Variants in UNC5D observed in about 807,000 individuals in gnomAD.
UNC5D encodes unc-5 netrin receptor D.
UNC5D carries 39 observed loss-of-function variants against 105.4 expected under a neutral mutation model. The ratio of observed to expected loss-of-function variants is 0.37; its 90% CI spans 0.29 to 0.48. UNC5D has a LOEUF of 0.48. Among genes scored for constraint, UNC5D ranks in the 20% least tolerant of loss-of-function variants. UNC5D has a pLI of 0.98. For missense variants in UNC5D, 991 were observed against 1,202.4 expected (o/e 0.82, Z 2.60); for synonymous variants, 452 against 450.4 (o/e 1.00, Z -0.04).
intron 8 of UNC5D, chr8:35,721,457 T>C: frequency 1.4e-6 from 1 of 702,932 alleles, no homozygotes; most frequent in Non-Finnish European, 2.6e-6. Flanking sequence ...TTCAATAGGA[T>C]GGAGTAGGAG....
At chr8:35,384,883 G>T (rs1339034315) in intron 1 of UNC5D, among the ~76,000 whole-genome samples, 1 of 152,218 alleles carries the variant, frequency 6.6e-6, no homozygotes, top group Admixed American at 6.5e-5. Context: ...CACCCCAGAA[G>T]TTGTGGGACT....
chr8:35,401,473 G>A (rs1231159206), intron 1 of UNC5D, among the ~76,000 whole-genome samples: 1 of 152,164 alleles, frequency 6.6e-6, no homozygotes, highest in African/African-American at 2.4e-5. Flanking sequence ...AACAGAGCAG[G>A]ACTCCATCTC....
In UNC5D at chr8:35,666,570, G is replaced by A. The variant is rs775211828; in HGVS notation, c.571-16977G>A. 2.6e-5 allele frequency among the ~76,000 whole-genome samples: 4 copies of A among 152,126 alleles called. No individual in the cohort carries two copies. In the East Asian group the frequency reaches 5.8e-4, roughly 22 times the overall value. On this transcript the variant is annotated intron_variant, in intron 4 of 16. Transcript: ENST00000404895. ...TAGTTCATAACAACCAGAATGCAAA[G>A]GGGAGGAGGATAAACTGGATAGAAA...
intron 1 of UNC5D, among the ~76,000 whole-genome samples, chr8:35,436,699 A>G (rs915459903): frequency 1.3e-5 from 2 of 152,052 alleles, no homozygotes; most frequent in African/African-American, 4.8e-5. Context: ...GAATGTGGAG[A>G]CTGGAAGACA....
intron 1 of UNC5D, among the ~76,000 whole-genome samples, chr8:35,362,197 A>G (rs942215429): frequency 1.3e-5 from 2 of 152,198 alleles, no homozygotes; most frequent in Admixed American, 1.3e-4. Flanking sequence ...CACAAGTTGC[A>G]TTTCGCAATT....
rs1809818364 is a variant in UNC5D, at chr8:35,472,692, T to C, written c.104-76600T>C. 4.6e-5 allele frequency among the ~76,000 whole-genome samples: 7 copies of C among 152,312 alleles called. No homozygotes were observed. In the South Asian group the frequency reaches 1.0e-3, roughly 23 times the overall value. ...GAAAATACTCTTTGTTCAGAAACCC[T>C]GAACGGAGAATCCTGTTGAAGCTCA... On this transcript the variant is annotated intron_variant, in intron 1 of 16. Coordinates refer to ENST00000404895, the MANE Select transcript of UNC5D (RefSeq NM_080872.4).
chr8:35,353,228 A>C (rs1049092127), intron 1 of UNC5D, among the ~76,000 whole-genome samples: 1 of 152,206 alleles, frequency 6.6e-6, no homozygotes, highest in African/African-American at 2.4e-5. Flanking sequence ...CCAGCAACTC[A>C]ATACAGAAAT....
chr8:35,749,578 T>A (rs984989886), intron 12 of UNC5D, among the ~76,000 whole-genome samples: 1 of 152,200 alleles, frequency 6.6e-6, no homozygotes, highest in Non-Finnish European at 1.5e-5. Context: ...CCAACTAGTG[T>A]CTTGAAACTA....
At chr8:35,660,601 A>G (rs1436159143) in intron 4 of UNC5D, among the ~76,000 whole-genome samples, 1 of 152,200 alleles carries the variant, frequency 6.6e-6, no homozygotes, top group Non-Finnish European at 1.5e-5. Context: ...GAGTTAGCTT[A>G]TGTTGTAAAA....
rs371932594 is a variant in UNC5D at position 35,533,970 on chromosome 8, C to T, written c.104-15322C>T. Among the ~76,000 whole-genome samples the T allele has an allele frequency of 4.9e-4, 75 of 152,260 alleles. 1 individual carries two copies. In the East Asian group the frequency reaches 5.0e-3, roughly 10 times the overall value. ...CTGGCACTCCCTAGTGAGATAAACC[C>T]GGTACCTCAGATGGAAATGTAGAAA... On this transcript the variant is annotated intron_variant, in intron 1 of 16. Transcript: ENST00000404895.
chr8:35,341,586 G>A (rs1485865159), intron 1 of UNC5D, among the ~76,000 whole-genome samples: 1 of 151,644 alleles, frequency 6.6e-6, no homozygotes, highest in African/African-American at 2.4e-5. Context: ...TTAGTCTGTC[G>A]TCTTGATATA....
At chr8:35,345,692 C>T (rs1032212475) in intron 1 of UNC5D, among the ~76,000 whole-genome samples, 10 of 151,810 alleles carry the variant, frequency 6.6e-5, no homozygotes, top group African/African-American at 2.4e-4. Context: ...GTTCTGTGTG[C>T]TCACAAAAAT....
At chr8:35,582,969 C>G (rs562768633) in intron 3 of UNC5D, among the ~76,000 whole-genome samples, 1 of 152,270 alleles carries the variant, frequency 6.6e-6, no homozygotes, top group South Asian at 2.1e-4. Context: ...CAGTGCTCAG[C>G]TGGATGCTGA....
chr8:35,435,283 A>G (rs1396139692), intron 1 of UNC5D, among the ~76,000 whole-genome samples: 1 of 152,142 alleles, frequency 6.6e-6, no homozygotes, highest in Non-Finnish European at 1.5e-5. Flanking sequence ...TAATGTAGAC[A>G]TTAAAGATTG....
chr8:35,360,888 A>G (rs1801817164), intron 1 of UNC5D, among the ~76,000 whole-genome samples: 1 of 152,112 alleles, frequency 6.6e-6, no homozygotes, highest in Admixed American at 6.6e-5. Flanking sequence ...TGGTTTCCCC[A>G]GATGGGAGAA....
intron 1 of UNC5D, among the ~76,000 whole-genome samples, chr8:35,531,025 T>G (rs1586062116): frequency 1.3e-5 from 2 of 151,138 alleles, no homozygotes; most frequent in African/African-American, 4.9e-5. Context: ...TTTTTGAAGG[T>G]TTTTTGTGTC....
chr8:35,467,523 A>G (rs1809388920), intron 1 of UNC5D, among the ~76,000 whole-genome samples: 1 of 151,662 alleles, frequency 6.6e-6, no homozygotes, highest in Non-Finnish European at 1.5e-5. Flanking sequence ...AAACTAATCC[A>G]GAACCTTTAT....
In UNC5D at chr8:35,235,877, G is replaced by C; in HGVS notation, c.93G>C (p.Ala31=). Residue 31 remains alanine (A), a synonymous_variant, in exon 1 of 17, where the codon GCG becomes GCC. Transcript: ENST00000404895. ...LGLCFWAAGT[A]AARGTDNGEA... is the part of the protein sequence containing the mutation. ...TGTGCTTCTGGGCGGCAGGGACCGC[G>C]GCTGCCCGAGGTAAGCGCTGGGCGG... 8.1e-7 allele frequency: 1 copy of C among 1,228,406 alleles called. No individual in the cohort carries two copies. The highest frequency in any genetic ancestry group is 1.0e-6 in the Non-Finnish European group (1 of 985,790). 76.1% of individuals were successfully genotyped at this position (1,228,406 alleles called of 1,614,324 possible).
intron 1 of UNC5D, among the ~76,000 whole-genome samples, chr8:35,258,475 G>T (rs1245485995): frequency 6.6e-6 from 1 of 152,134 alleles, no homozygotes; most frequent in East Asian, 1.9e-4. Context: ...TAGTACTTAT[G>T]AGCTGTGTGT....
Sources: gnomAD v4.1 joint callset for allele counts (sites outside exome capture counted in the v4.1 genomes callset) on GRCh38, gnomAD v4.1.1 for gene constraint, MANE v1.5 for transcripts, NCBI Gene and HGNC (gene_info 2026-07-23, HGNC 2026-07-21) for gene names.